The following NFIA variants were observed in gnomAD, a reference collection of about 807,000 sequenced individuals.
NFIA encodes the protein nuclear factor I A.
Under a neutral mutation model 62.8 loss-of-function variants are expected in NFIA, and 8 were observed. That is an observed-to-expected ratio of 0.13 (90% CI 0.07 to 0.23). The LOEUF is 0.23. Ranked by LOEUF, NFIA falls within the 10% of genes least tolerant of loss-of-function variation. The pLI, the probability that NFIA is intolerant of heterozygous loss-of-function variation, is 1.00. For missense variants in NFIA, 410 were observed against 642.1 expected (o/e 0.64, Z 3.91); for synonymous variants, 235 against 238.1 (o/e 0.99, Z 0.12).
At chr1:61,173,512 C>T (rs138794231) in intron 2 of NFIA, among the ~76,000 whole-genome samples, 250 of 152,172 alleles carry the variant, frequency 1.6e-3, no homozygotes, top group African/African-American at 5.7e-3. Context: ...CTCAGCCTCC[C>T]GAGTAGCTGG....
chr1:61,273,096 G>A (rs1657612268), intron 2 of NFIA, among the ~76,000 whole-genome samples: 1 of 152,152 alleles, frequency 6.6e-6, no homozygotes, highest in Non-Finnish European at 1.5e-5. Context: ...ACATCGGTTT[G>A]TTTTAGGGTG....
intron 3 of NFIA, among the ~76,000 whole-genome samples, chr1:61,315,296 C>G (rs1046181327): frequency 1.3e-5 from 2 of 152,132 alleles, no homozygotes; most frequent in Non-Finnish European, 2.9e-5. Flanking sequence ...ATTTCAAGTG[C>G]CCCTGACAGT....
At chr1:61,340,324 T>C (rs41327150) in intron 4 of NFIA, among the ~76,000 whole-genome samples, 6,362 of 152,288 alleles carry the variant, frequency 0.042, 446 homozygotes, top group African/African-American at 0.14. Context: ...ATATTCAAGA[T>C]GGCAGCATGA....
At chr1:61,127,362 C>T (rs1364709506) in intron 2 of NFIA, among the ~76,000 whole-genome samples, 1 of 148,244 alleles carries the variant, frequency 6.7e-6, no homozygotes, top group Non-Finnish European at 1.5e-5. Context: ...AAGGCTGAGG[C>T]AGGAGAATTG....
chr1:61,449,643 G>T (rs1172784580), intron 10 of NFIA, among the ~76,000 whole-genome samples: 2 of 151,322 alleles, frequency 1.3e-5, no homozygotes, highest in African/African-American at 4.9e-5. Flanking sequence ...CAACAAAAGT[G>T]TTGAGGACAA....
chr1:61,330,418 A>T (rs1661230905), intron 3 of NFIA, among the ~76,000 whole-genome samples: 1 of 144,120 alleles, frequency 6.9e-6, no homozygotes, highest in Admixed American at 7.4e-5. Context: ...TAGATAAAAT[A>T]ACTTAGGAAA....
intron 3 of NFIA, among the ~76,000 whole-genome samples, chr1:61,300,336 AC>A (rs1193700533): frequency 1.3e-5 from 2 of 152,108 alleles, no homozygotes; most frequent in East Asian, 3.9e-4. Context: ...TACCAGTTTC[AC>A]TAGAGTATGA....
intron 2 of NFIA, among the ~76,000 whole-genome samples, chr1:61,096,496 G>A (rs1038974588): frequency 6.7e-6 from 1 of 150,266 alleles, no homozygotes; most frequent in Non-Finnish European, 1.5e-5. Context: ...GAGCCACCAC[G>A]CCTGGCCATG....
intron 2 of NFIA, among the ~76,000 whole-genome samples, chr1:61,171,476 GATA>G (rs1649962193): frequency 6.6e-6 from 1 of 152,116 alleles, no homozygotes; most frequent in African/African-American, 2.4e-5. Flanking sequence ...TGAGCCAAGT[GATA>G]ATAACAGATA....
chr1:61,294,547 G>C (rs1396927029), intron 3 of NFIA, among the ~76,000 whole-genome samples: 1 of 152,178 alleles, frequency 6.6e-6, no homozygotes, highest in Non-Finnish European at 1.5e-5. Flanking sequence ...GTAGGATTTT[G>C]AATCAGTTTA....
intron 2 of NFIA, among the ~76,000 whole-genome samples, chr1:61,247,890 A>T (rs1461782607): frequency 1.3e-5 from 2 of 152,208 alleles, no homozygotes; most frequent in Non-Finnish European, 2.9e-5. Context: ...AAGTATTCTC[A>T]TGAGCTCCTG....
chr1:61,161,966 G>A (rs923326803), intron 2 of NFIA, among the ~76,000 whole-genome samples: 2 of 152,172 alleles, frequency 1.3e-5, no homozygotes, highest in Non-Finnish European at 2.9e-5. Flanking sequence ...AGTGGTGAAT[G>A]TAAGCAATTT....
In NFIA at chr1:61,391,524, G is replaced by A. The variant is rs1314102763; in HGVS notation, c.1075+8159G>A. ...AAGTAAAATTGCCTTGATTCTGGCA[G>A]GCGTGTGCCACCATGCCCAGCCTAA... On this transcript the variant is annotated intron_variant, in intron 7 of 10. Coordinates refer to ENST00000403491, the MANE Select transcript of NFIA (RefSeq NM_001134673.4). Among the ~76,000 whole-genome samples the A allele has an allele frequency of 2.0e-5, 3 of 149,972 alleles. No individual in the cohort carries two copies. The East Asian group carries it at 5.9e-4, about 30-fold the overall frequency.
At position 61,230,812 on chromosome 1, in the gene NFIA, G is replaced by T. The variant is rs146027612; in HGVS notation, c.560-46708G>T. On this transcript the variant is annotated intron_variant, in intron 2 of 10. Transcript: ENST00000403491. The stretch of plus-strand genomic sequence containing the variant: ...TTTACCAAGGTGCTGTGCTTTACCA[G>T]TGCCTCAGTACTGCAGTGTCAGTGC... 9.2e-5 allele frequency among the ~76,000 whole-genome samples: 14 copies of T among 152,286 alleles called. No individual in the cohort carries two copies. In the East Asian group the frequency reaches 2.7e-3, roughly 29 times the overall value.
At chr1:61,078,249 A>G (rs1646056037), upstream of NFIA, among the ~76,000 whole-genome samples, 2 of 151,002 alleles carry the variant, frequency 1.3e-5, no homozygotes, top group Admixed American at 6.6e-5. Flanking sequence ...ATAGGAAAGA[A>G]TTTTCGCGTT....
At chr1:61,122,064 G>A (rs1175046503) in intron 2 of NFIA, among the ~76,000 whole-genome samples, 1 of 152,054 alleles carries the variant, frequency 6.6e-6, no homozygotes, top group Non-Finnish European at 1.5e-5. Flanking sequence ...TAGCATCCAG[G>A]TCCTACATAA....
intron 2 of NFIA, among the ~76,000 whole-genome samples, chr1:61,106,411 T>C (rs1286636156): frequency 6.6e-6 from 1 of 151,818 alleles, no homozygotes; most frequent in African/African-American, 2.4e-5. Flanking sequence ...CACTGCACCC[T>C]CCCTGTTTGC....
intron 2 of NFIA, among the ~76,000 whole-genome samples, chr1:61,142,590 A>G (rs1647611182): frequency 2.0e-5 from 3 of 152,292 alleles, no homozygotes; most frequent in Admixed American, 6.5e-5. Flanking sequence ...CTTTTACATT[A>G]TGAATGAACA....
In NFIA at chr1:61,235,512, A is replaced by AT. The variant is rs1031582661; in HGVS notation, c.560-42008_560-42007insT. Among the ~76,000 whole-genome samples the AT allele has an allele frequency of 2.1e-4, 30 of 145,302 alleles. 1 individual carries two copies. The highest frequency in any genetic ancestry group is 9.5e-4 in the East Asian group (4 of 4,218). Reference sequence around the variant, plus strand: ...TAAATAAATAAATAAATAAAAATAAAAAATAAAAAAAAATGAACAAAGGTT... The same window carrying AT: ...TAAATAAATAAATAAATAAAAATAAATAAATAAAAAAAAATGAACAAAGGTT... On this transcript the variant is annotated intron_variant, in intron 2 of 10. Transcript: ENST00000403491.
Sources: allele counts gnomAD v4.1 joint callset (sites outside exome capture counted in the v4.1 genomes callset), GRCh38; gene constraint gnomAD v4.1.1; transcripts MANE v1.5; gene names NCBI Gene and HGNC (gene_info 2026-07-23, HGNC 2026-07-21).